The following ARHGEF7 variants were observed in gnomAD, a reference collection of about 807,000 sequenced individuals.
ARHGEF7 encodes the protein PAK-interacting exchange factor beta.
Under a neutral mutation model 109.8 loss-of-function variants are expected in ARHGEF7, and 33 were observed. The ratio of observed to expected loss-of-function variants is 0.30; its 90% CI spans 0.23 to 0.40. The LOEUF (loss-of-function observed/expected upper bound fraction) is 0.40. ARHGEF7 is among the 10% of genes least tolerant of loss of function. The probability of loss-of-function intolerance (pLI) is 1.00; values close to 1 mark genes in which losing one functional copy is unlikely to be tolerated. For missense variants in ARHGEF7, 938 were observed against 1,098.5 expected, an observed-to-expected ratio of 0.85 and a Z score of 2.07; for synonymous variants, 458 against 424.6, an observed-to-expected ratio of 1.08 and a Z score of -0.97.
At chr13:111,301,288 C>A (rs2093560320) in intron 20 of ARHGEF7, among the ~76,000 whole-genome samples, 190 bp from the exon 21 acceptor site, 1 of 152,132 alleles carries the variant, frequency 6.6e-6, no homozygotes. Context: ...GCTGAAGTTG[C>A]CCTTGACTAG....
At chr13:111,269,841 T>G (rs2091991142) in intron 9 of ARHGEF7, among the ~76,000 whole-genome samples, 1 of 152,212 alleles carries the variant, frequency 6.6e-6, no homozygotes, top group Non-Finnish European at 1.5e-5. Flanking sequence ...CAGGCTTCCC[T>G]GTGCCAAGGC....
At chr13:111,286,354 A>G (rs2093017740) in intron 17 of ARHGEF7, 114 bp downstream of exon 17, 3 of 828,004 alleles carry the variant, frequency 3.6e-6, no homozygotes, top group Non-Finnish European at 6.0e-6. Context: ...AACAAAAGTA[A>G]GGTCTGCCCC....
At chr13:111,226,880 T>C (rs896509362) in intron 5 of ARHGEF7, among the ~76,000 whole-genome samples, 2 of 152,180 alleles carry the variant, frequency 1.3e-5, no homozygotes, top group Non-Finnish European at 2.9e-5. Context: ...GTTAAGAACA[T>C]TTGTGATTTA....
intron 5 of ARHGEF7, among the ~76,000 whole-genome samples, chr13:111,219,177 C>T (rs1025643384): frequency 2.0e-5 from 3 of 152,152 alleles, no homozygotes; most frequent in African/African-American, 7.2e-5. Flanking sequence ...GTCCCCATTC[C>T]CCTCCCCAGC....
chr13:111,253,098 G>A (rs2089984152), intron 8 of ARHGEF7, among the ~76,000 whole-genome samples: 1 of 152,216 alleles, frequency 6.6e-6, no homozygotes, highest in Non-Finnish European at 1.5e-5. Context: ...GAAAGCCTTA[G>A]TGGGGAGAAA....
At chr13:111,246,207 A>G (rs896176279) in intron 8 of ARHGEF7, among the ~76,000 whole-genome samples, 1 of 152,228 alleles carries the variant, frequency 6.6e-6, no homozygotes, top group Non-Finnish European at 1.5e-5. Context: ...CTATCAGGTG[A>G]GGTTTCTTTA....
intron 19 of ARHGEF7, among the ~76,000 whole-genome samples, chr13:111,299,622 G>T (rs1394347281): frequency 6.6e-6 from 1 of 152,182 alleles, no homozygotes; most frequent in African/African-American, 2.4e-5. Flanking sequence ...GATTACAGGC[G>T]TGAGCCACGG....
At chr13:111,219,799 G>T (rs2083591637) in intron 5 of ARHGEF7, among the ~76,000 whole-genome samples, 1 of 152,146 alleles carries the variant, frequency 6.6e-6, no homozygotes, top group African/African-American at 2.4e-5. Flanking sequence ...TTATGTTCCA[G>T]TTAATGTATA....
intron 4 of ARHGEF7, among the ~76,000 whole-genome samples, chr13:111,214,129 C>T (rs1198322171): frequency 6.6e-6 from 1 of 152,234 alleles, no homozygotes; most frequent in African/African-American, 2.4e-5. Flanking sequence ...AGACGCCGCC[C>T]TTTCTTTCTG....
chr13:111,243,855 T>A lies in ARHGEF7; in HGVS notation c.760-17T>A. The A allele has an allele frequency of 6.7e-7, 1 of 1,501,686 alleles. No homozygotes were observed. The highest frequency in any genetic ancestry group is 9.2e-7 in the Non-Finnish European group (1 of 1,084,816). 93.0% of individuals were successfully genotyped at this position (1,501,686 alleles called of 1,614,324 possible). On this transcript the variant is annotated splice_polypyrimidine_tract_variant and intron_variant, in intron 6 of 21. Transcript: ENST00000646102. ...CAATTGAAATGTCAAATAACACTTATTCATCATTTATTATAGGTGCTACAG... is the reference window on the plus strand; with the variant it reads ...CAATTGAAATGTCAAATAACACTTAATCATCATTTATTATAGGTGCTACAG...
chr13:111,258,459 G>A lies in ARHGEF7; in HGVS notation c.951-9089G>A, dbSNP rs1006927135. 6.6e-6 allele frequency among the ~76,000 whole-genome samples: 1 copy of A among 152,208 alleles called. No individual in the cohort carries two copies. Among genetic ancestry groups the A allele is most frequent in the African/African-American group, 2.4e-5 (1 of 41,450 alleles). On this transcript the variant is annotated intron_variant, in intron 8 of 21. Coordinates refer to ENST00000646102, the MANE Select transcript of ARHGEF7 (RefSeq NM_001354046.2). The surrounding 1 kb of genome is among the most constrained non-coding windows in gnomAD (Gnocchi z 4.4). ...AGGCAGAACCCTGAGGCTCCCGGAC[G>A]ACATTTATAGACATACCTTGGACCA...
chr13:111,226,900 G>T (rs1024254031), intron 5 of ARHGEF7, among the ~76,000 whole-genome samples: 1 of 152,202 alleles, frequency 6.6e-6, no homozygotes, highest in Non-Finnish European at 1.5e-5. Context: ...ATGGGAGGAG[G>T]TTAAAATATC....
intron 2 of ARHGEF7, among the ~76,000 whole-genome samples, chr13:111,188,170 C>G (rs1272658018): frequency 6.6e-6 from 1 of 152,154 alleles, no homozygotes; most frequent in Non-Finnish European, 1.5e-5. Flanking sequence ...GGAACTGAGG[C>G]CTCCTGCTCA....
intron 19 of ARHGEF7, chr13:111,294,835 C>T: frequency 1.0e-6 from 1 of 985,782 alleles, no homozygotes. Context: ...TTTAAGCCAT[C>T]ACCAGGCCTT....
At position 111,283,243 on chromosome 13, in the gene ARHGEF7, C is replaced by A. The variant is rs367600562; in HGVS notation, c.1830C>A (p.Thr610=). ...HTLPHPSHHG[T]PHTTINWGPL... is the part of the protein sequence containing the mutation. ...TGCCCCACCCCTCCCACCACGGCAC[C>A]CCGCACACCACCATCAACTGGGGAC... Residue 610 remains threonine, a synonymous_variant, in exon 16 of 22, where the codon ACC becomes ACA. Coordinates refer to ENST00000646102, the MANE Select transcript of ARHGEF7 (RefSeq NM_001354046.2). 2 of 1,587,926 alleles carry A rather than the reference C, an allele frequency of 1.3e-6. No homozygotes were observed. The highest frequency in any genetic ancestry group is 2.3e-5 in the South Asian group (2 of 87,744).
chr13:111,180,907 A>G (rs1053249020), intron 2 of ARHGEF7, among the ~76,000 whole-genome samples: 2 of 152,230 alleles, frequency 1.3e-5, no homozygotes, highest in Admixed American at 6.5e-5. Context: ...GACATTTAAG[A>G]TTTAAGATGT....
chr13:111,254,099 G>A (rs1481502639), intron 8 of ARHGEF7, among the ~76,000 whole-genome samples: 2 of 152,106 alleles, frequency 1.3e-5, no homozygotes, highest in African/African-American at 4.8e-5. Context: ...TAGTTTAGAG[G>A]GCAAGGTGGT....
At chr13:111,252,365 C>T (rs1032059563) in intron 8 of ARHGEF7, among the ~76,000 whole-genome samples, 1 of 152,080 alleles carries the variant, frequency 6.6e-6, no homozygotes, top group African/African-American at 2.4e-5. Context: ...GGAGAGCCTG[C>T]CTGTTGCATT....
chr13:111,116,417 G>C (rs2066786947), intron 1 of ARHGEF7: 1 of 152,664 alleles, frequency 6.6e-6, no homozygotes, highest in African/African-American at 2.4e-5. Flanking sequence ...TGTGAACCCT[G>C]ACCCGAATCT....
Sources: allele counts gnomAD v4.1 joint callset (sites outside exome capture counted in the v4.1 genomes callset), GRCh38; gene constraint gnomAD v4.1.1; non-coding constraint Gnocchi (gnomAD v3.1); transcripts MANE v1.5; gene names NCBI Gene and HGNC (gene_info 2026-07-23, HGNC 2026-07-21).